RCC1: variants seen among roughly 807,000 people sequenced by gnomAD.
The protein encoded by RCC1 is regulator of chromosome condensation.
A neutral mutation model predicts 44.4 loss-of-function variants in RCC1; 11 were observed. The ratio of observed to expected loss-of-function variants is 0.25; its 90% CI spans 0.16 to 0.41. The LOEUF is 0.41. Among genes scored for constraint, RCC1 ranks in the 10% least tolerant of loss-of-function variants. The pLI is 1.00. For missense variants in RCC1, 386 were observed against 547.1 expected, an observed-to-expected ratio of 0.71 and a Z score of 2.94; for synonymous variants, 213 against 216.5, an observed-to-expected ratio of 0.98 and a Z score of 0.14.
Position 28,536,808 on chromosome 1 carries a change from G to A in RCC1, c.999G>A (p.Glu333=). 1 of 1,614,098 alleles carries A rather than the reference G, an allele frequency of 6.2e-7. No homozygotes were observed. Among genetic ancestry groups the A allele is most frequent in the Non-Finnish European group, 8.5e-7 (1 of 1,179,992 alleles). ...YGRLGLGEGA[E]EKSIPTLISR... ...GGCTGGGCCTTGGAGAGGGTGCTGA[G>A]GAGAAGAGCATACCCACCCTCATCT... The change falls in exon 12 of 13, where the codon GAG becomes GAA. Residue 333 remains glutamate (E), a synonymous_variant. Transcript: ENST00000683442. The surrounding 1 kb of genome is among the most constrained non-coding windows in gnomAD (Gnocchi z 4.9).
chr1:28,530,653 G>A (rs758130074), intron 5 of RCC1: 6 of 1,538,886 alleles, frequency 3.9e-6, no homozygotes, highest in South Asian at 2.3e-5. Context: ...TGCTGCCAGC[G>A]CGGGCTCCTC....
chr1:28,530,191 T>G (rs572835089), intron 5 of RCC1, among the ~76,000 whole-genome samples: 25 of 151,710 alleles, frequency 1.6e-4, no homozygotes, highest in Non-Finnish European at 3.4e-4. Context: ...ACCCTAGGGC[T>G]TCACCCCAGG....
At chr1:28,531,304 GC>G (rs1182525056) in intron 5 of RCC1, among the ~76,000 whole-genome samples, 1 of 125,842 alleles carries the variant, frequency 7.9e-6, no homozygotes, top group Non-Finnish European at 1.6e-5. Context: ...TCACTCTGTC[GC>G]CCAGACTGGA....
At chr1:28,512,040 T>A in intron 3 of RCC1, among the ~76,000 whole-genome samples, 1 of 148,272 alleles carries the variant, frequency 6.7e-6, no homozygotes, top group Non-Finnish European at 1.5e-5. Flanking sequence ...AGTGGCGTGA[T>A]CTCAGCTCAC....
At chr1:28,534,619 T>C (rs2124666418) in intron 7 of RCC1, among the ~76,000 whole-genome samples, 1 of 152,340 alleles carries the variant, frequency 6.6e-6, no homozygotes. Flanking sequence ...TAGCTGGTAC[T>C]AGAGGCTTGT....
chr1:28,508,034 C>A, intron 1 of RCC1, 94 bp from the exon 2 acceptor site: 2 of 378,858 alleles, frequency 5.3e-6, no homozygotes, highest in South Asian at 1.9e-5. Context: ...TACTCCAGTG[C>A]CACTGTACTC....
chr1:28,506,268 T>G (rs1418645927), intron 1 of RCC1, 184 bp downstream of exon 1: 2 of 445,018 alleles, frequency 4.5e-6, no homozygotes, highest in Admixed American at 2.5e-5. Flanking sequence ...CGTTGCAACC[T>G]CCGCCTGCCG....
intron 3 of RCC1, among the ~76,000 whole-genome samples, chr1:28,511,612 G>A (rs181857532): frequency 2.5e-4 from 37 of 150,430 alleles, no homozygotes; most frequent in East Asian, 7.9e-4. Flanking sequence ...CTCGTGATCC[G>A]CCCACCTCGG....
At chr1:28,521,357 T>C (rs1275709486) in intron 4 of RCC1, among the ~76,000 whole-genome samples, 7 of 149,930 alleles carry the variant, frequency 4.7e-5, no homozygotes, top group African/African-American at 1.2e-4. Flanking sequence ...AAAAATTAGC[T>C]GGGTGTGGTG....
chr1:28,508,975 G>A (rs1282564704), intron 3 of RCC1, 70 bp downstream of exon 3: 5 of 455,184 alleles, frequency 1.1e-5, no homozygotes, highest in South Asian at 3.1e-5. Flanking sequence ...AAAGATTGAG[G>A]TGCATTTCAT....
intron 9 of RCC1, 53 bp downstream of exon 9, chr1:28,535,433 T>A (rs1174519090): frequency 6.2e-7 from 1 of 1,607,256 alleles, no homozygotes; most frequent in Non-Finnish European, 8.5e-7. Flanking sequence ...ACCCCCACAG[T>A]GAAGGCCAAA....
intron 4 of RCC1, chr1:28,519,055 T>A (rs1663108039): frequency 1.3e-5 from 2 of 152,264 alleles, no homozygotes; most frequent in Non-Finnish European, 2.9e-5. Context: ...CGGGGAGCCC[T>A]CAGGGGGATC....
chr1:28,516,501 CAA>C (rs558641226), intron 3 of RCC1, among the ~76,000 whole-genome samples: 12,141 of 119,444 alleles, frequency 0.1, 1,030 homozygotes, highest in African/African-American at 0.25. Context: ...GACCCCATCT[CAA>C]AAAAAAAAAA....
intron 7 of RCC1, among the ~76,000 whole-genome samples, chr1:28,534,603 C>T (rs900078446): frequency 5.9e-5 from 9 of 152,210 alleles, no homozygotes; most frequent in East Asian, 1.9e-4. Context: ...ACCTCAGCCT[C>T]GCAAGTAGCT....
At chr1:28,506,338 C>T (rs771044997) in intron 1 of RCC1, 1 of 401,628 alleles carries the variant, frequency 2.5e-6, no homozygotes, top group South Asian at 1.7e-5. Context: ...GCACGTGCCA[C>T]CACGCCCGGC....
At chr1:28,508,769 TACTAG>T (rs1317014646) in intron 2 of RCC1, 56 bp from the exon 3 acceptor site, 2 of 518,870 alleles carry the variant, frequency 3.9e-6, no homozygotes, top group Non-Finnish European at 7.7e-6. Flanking sequence ...ATATCTAGTA[TACTAG>T]ATTTTAAGTT....
intron 5 of RCC1, 131 bp from the exon 6 acceptor site, chr1:28,531,672 T>G (rs1349055901): frequency 6.1e-6 from 4 of 653,594 alleles, no homozygotes; most frequent in Non-Finnish European, 9.2e-6. Flanking sequence ...ATGACAAAAC[T>G]TAGAAAGTTC....
chr1:28,526,522 C>A lies in RCC1; in HGVS notation c.-9-3336C>A, dbSNP rs1663674223. Reference sequence around the variant, plus strand: ...AAGTGGGAATCCACTGAGACTGCAACAACTTCAAAGTTCACATCGTGAAAT... The same window carrying A: ...AAGTGGGAATCCACTGAGACTGCAAAAACTTCAAAGTTCACATCGTGAAAT... On this transcript the variant is annotated intron_variant, in intron 4 of 12. Transcript: ENST00000683442. 6.9e-6 allele frequency: 4 copies of A among 577,272 alleles called. No individual in the cohort carries two copies. In the Admixed American group the frequency reaches 7.0e-5, roughly 10 times the overall value. The allele number at this position is 577,272 out of a possible 1,614,324, so 35.8% of individuals were successfully genotyped here.
chr1:28,536,828 T>G lies in RCC1; in HGVS notation c.1019T>G (p.Leu340Arg). 4 of 1,614,102 alleles carry G rather than the reference T, an allele frequency of 2.5e-6. No individual in the cohort carries two copies. Among genetic ancestry groups the G allele is most frequent in the Non-Finnish European group, 3.4e-6 (4 of 1,180,024 alleles). Reference protein sequence around the residue: ...EGAEEKSIPTLISRLPAVSSV... With the variant: ...EGAEEKSIPTRISRLPAVSSV... ...GCTGAGGAGAAGAGCATACCCACCC[T>G]CATCTCCAGGCTGCCTGCTGTCTCC... The change falls in exon 12 of 13, where the codon CTC becomes CGC. Residue 340 changes from leucine to arginine, a missense_variant. Transcript: ENST00000683442. This position sits in a 1 kb window ranked among gnomAD's most constrained non-coding sequence, Gnocchi z 4.9.
Sources: allele counts gnomAD v4.1 joint callset (sites outside exome capture counted in the v4.1 genomes callset), GRCh38; gene constraint gnomAD v4.1.1; non-coding constraint Gnocchi (gnomAD v3.1); transcripts MANE v1.5; gene names NCBI Gene and HGNC (gene_info 2026-07-23, HGNC 2026-07-21).